The following ATM variants were observed in gnomAD, a reference collection of about 807,000 sequenced individuals.
The protein encoded by ATM is ATM serine/threonine kinase.
Under a neutral mutation model 387.0 loss-of-function variants are expected in ATM, and 308 were observed. The ratio of observed to expected loss-of-function variants is 0.80; its 90% CI spans 0.73 to 0.87. The LOEUF (loss-of-function observed/expected upper bound fraction) is 0.87. Among genes scored for constraint, ATM ranks in the 40% least tolerant of loss-of-function variants. The pLI, the probability that ATM is intolerant of heterozygous loss-of-function variation, is 0.00. For missense variants in ATM, 3,312 were observed against 3,560.9 expected (o/e 0.93, Z 1.78); for synonymous variants, 1,156 against 1,187.3 (o/e 0.97, Z 0.54).
intron 33 of ATM, chr11:108,299,341 A>G: frequency 5.9e-6 from 1 of 170,376 alleles, no homozygotes; most frequent in Non-Finnish European, 1.3e-5. Flanking sequence ...TTTGTCACCC[A>G]GGCTAGAGTG....
chr11:108,297,247 TC>T (rs1416973485), intron 32 of ATM, 39 bp from the exon 33 acceptor site: 1 of 1,512,960 alleles, frequency 6.6e-7, no homozygotes, highest in Non-Finnish European at 9.2e-7. Flanking sequence ...AGTGTTGTCT[TC>T]ATGCTAGTTT....
intron 23 of ATM, among the ~76,000 whole-genome samples, chr11:108,280,071 A>T (rs953935332): frequency 9.2e-5 from 14 of 152,078 alleles, no homozygotes; most frequent in Admixed American, 2.6e-4. Context: ...TAGAGTTCAA[A>T]TTTTTTCATT....
At chr11:108,280,251 A>G (rs1281781683) in intron 23 of ATM, among the ~76,000 whole-genome samples, 1 of 152,174 alleles carries the variant, frequency 6.6e-6, no homozygotes, top group Non-Finnish European at 1.5e-5. Context: ...GAGATAATGT[A>G]TATTATACAT....
rs786203059 is a variant in ATM at position 108,331,559 on chromosome 11, T to C, written c.7629+2T>C. ...GGATTTCATGAAGTCCTCAATAATG[T>C]AAGTAAACCTGAAAATCAAACCACA... On this transcript the variant is annotated splice_donor_variant, in intron 51 of 62. Transcript: ENST00000675843. LOFTEE classifies it high-confidence loss of function. 1.0e-5 allele frequency: 16 copies of C among 1,606,236 alleles called. No homozygotes were observed. The highest frequency in any genetic ancestry group is 1.4e-5 in the Non-Finnish European group (16 of 1,177,018).
intron 33 of ATM, among the ~76,000 whole-genome samples, chr11:108,298,844 T>C (rs1348004942): frequency 6.6e-6 from 1 of 152,162 alleles, no homozygotes; most frequent in African/African-American, 2.4e-5. Flanking sequence ...TTAGCAAAGT[T>C]GCAGGGTACA....
intron 7 of ATM, among the ~76,000 whole-genome samples, chr11:108,246,441 TA>T (rs2079851669): frequency 6.6e-6 from 1 of 152,170 alleles, no homozygotes; most frequent in African/African-American, 2.4e-5. Context: ...TTGTGAGAAA[TA>T]ATAGACCTTT....
At position 108,289,815 on chromosome 11, in the gene ATM, T is replaced by G. The variant is rs762832046; in HGVS notation, c.4436+14T>G. The G allele has an allele frequency of 6.2e-6, 10 of 1,604,370 alleles. No homozygotes were observed. Among genetic ancestry groups the G allele is most frequent in the East Asian group, 2.2e-5 (1 of 44,798 alleles). ...TATCAACCAAAGGTAAATAACATATTTAGACCAATATATAAGCAGTCTTTC... is the reference window on the plus strand; with the variant it reads ...TATCAACCAAAGGTAAATAACATATGTAGACCAATATATAAGCAGTCTTTC... On this transcript the variant is annotated intron_variant, in intron 29 of 62. Coordinates refer to ENST00000675843, the MANE Select transcript of ATM (RefSeq NM_000051.4).
Position 108,299,853 on chromosome 11 carries a change from G to A in ATM, c.5145G>A (p.Leu1715=), listed in dbSNP as rs786202765. 5.6e-6 allele frequency: 9 copies of A among 1,613,806 alleles called. No homozygotes were observed. The highest frequency in any genetic ancestry group is 1.7e-4 in the Middle Eastern group (1 of 6,054). ...DKELQWTFIM[L]TYLNNTLVED... ...AACTTCAGTGGACCTTCATAATGCT[G>A]ACCTACCTGAATAACACACTGGTAG... is the stretch of plus-strand genomic sequence containing the variant. The change falls in exon 34 of 63, where the codon CTG becomes CTA. Residue 1715 remains leucine (L), a synonymous_variant. Coordinates refer to ENST00000675843, the MANE Select transcript of ATM (RefSeq NM_000051.4).
At chr11:108,364,275 C>T (rs112842000) in intron 61 of ATM, among the ~76,000 whole-genome samples, 1 of 152,122 alleles carries the variant, frequency 6.6e-6, no homozygotes, top group African/African-American at 2.4e-5. Context: ...TTTATATTGT[C>T]TCCACTTATT....
intron 43 of ATM, 96 bp downstream of exon 43, chr11:108,317,617 A>ATATATG (rs2084819354): frequency 3.9e-5 from 1 of 25,328 alleles, no homozygotes; most frequent in East Asian, 7.1e-4. Context: ...GAGTTGTTTT[A>ATATATG]TATATATATA....
Position 108,229,201 on chromosome 11 carries a change from A to G in ATM, c.209A>G (p.Lys70Arg), listed in dbSNP as rs1468976846. Reference sequence around the variant, plus strand: ...AGATTTTTACAGAAATATATTCAGAAAGAAACAGAATGTCTGAGAATAGCA... The same window carrying G: ...AGATTTTTACAGAAATATATTCAGAGAGAAACAGAATGTCTGAGAATAGCA... ...VFRFLQKYIQ[K>R]ETECLRIAKP... is the part of the protein sequence containing the mutation. The change falls in exon 4 of 63, where the codon AAA becomes AGA. Residue 70 changes from lysine to arginine, a missense_variant. Transcript: ENST00000675843. The G allele has an allele frequency of 6.2e-7, 1 of 1,612,896 alleles. No individual in the cohort carries two copies. Among genetic ancestry groups the G allele is most frequent in the Non-Finnish European group, 8.5e-7 (1 of 1,179,486 alleles).
At chr11:108,348,076 A>C (rs1687882912) in intron 59 of ATM, among the ~76,000 whole-genome samples, 1 of 152,176 alleles carries the variant, frequency 6.6e-6, no homozygotes, top group South Asian at 2.1e-4. Flanking sequence ...AGATAACTGA[A>C]GCTTCTAACT....
At chr11:108,362,513 G>A (rs1015365158) in intron 61 of ATM, among the ~76,000 whole-genome samples, 8 of 149,028 alleles carry the variant, frequency 5.4e-5, no homozygotes, top group South Asian at 4.3e-4. Flanking sequence ...TGTTTATTGC[G>A]GCATTATTCA....
chr11:108,347,625 A>G (rs1417353122), intron 59 of ATM, among the ~76,000 whole-genome samples: 1 of 152,156 alleles, frequency 6.6e-6, no homozygotes, highest in Non-Finnish European at 1.5e-5. Context: ...CAGACAGAAG[A>G]TAGAGCAGAT....
chr11:108,343,039 A>G (rs2087777920), intron 56 of ATM, among the ~76,000 whole-genome samples, 183 bp from the exon 57 acceptor site: 1 of 152,176 alleles, frequency 6.6e-6, no homozygotes. Context: ...CTGGAAAATT[A>G]TATTCTTTGA....
rs747696133 is a variant in ATM at position 108,268,457 on chromosome 11, C to G, written c.2686C>G (p.Leu896Val). 1.2e-6 allele frequency: 2 copies of G among 1,613,982 alleles called. No homozygotes were observed. The highest frequency in any genetic ancestry group is 8.5e-7 in the Non-Finnish European group (1 of 1,179,976). Residue 896 changes from leucine (L) to valine (V), a missense_variant, in exon 18 of 63, where the codon CTT becomes GTT. This residue lies in a region of ATM where 1,791 missense variants were observed against 1,804.5 expected (regional missense o/e 0.99). Transcript: ENST00000675843. Reference protein sequence around the residue: ...AEEYLSKQDLLFLDMLKFLCL... With the variant: ...AEEYLSKQDLVFLDMLKFLCL... The stretch of plus-strand genomic sequence containing the variant: ...AGAATATCTGTCAAAGCAAGATCTA[C>G]TTTTCTTAGACATGCTCAAGTTCTT...
intron 29 of ATM, among the ~76,000 whole-genome samples, chr11:108,292,011 T>A (rs1245403190): frequency 6.6e-6 from 1 of 152,224 alleles, no homozygotes; most frequent in Non-Finnish European, 1.5e-5. Context: ...TTTTGCCCTA[T>A]GCACCTGCAG....
rs1565534524 is a variant in ATM, at chr11:108,332,038, G to C, written c.7788+1G>C. 6.2e-7 allele frequency: 1 copy of C among 1,613,520 alleles called. No individual in the cohort carries two copies. The highest frequency in any genetic ancestry group is 8.5e-7 in the Non-Finnish European group (1 of 1,179,686). On this transcript the variant is annotated splice_donor_variant, in intron 52 of 62. Coordinates refer to ENST00000675843, the MANE Select transcript of ATM (RefSeq NM_000051.4). LOFTEE classifies it high-confidence loss of function. Reference sequence around the variant, plus strand: ...TAAACAAAGCTCTCAGCTTGATGAGGTATTTGGATTAAACATACGTACCTT... The same window carrying C: ...TAAACAAAGCTCTCAGCTTGATGAGCTATTTGGATTAAACATACGTACCTT...
At chr11:108,320,205 TCTCTGCCCTCCTTCAAA>T in intron 44 of ATM, 147 bp downstream of exon 44, 1 of 665,964 alleles carries the variant, frequency 1.5e-6, no homozygotes, top group Non-Finnish European at 2.6e-6. Context: ...TCCTTGTAAT[TCTCTGCCCTCCTTCAAA>T]ACAAATTGTT....
Sources: allele counts gnomAD v4.1 joint callset (sites outside exome capture counted in the v4.1 genomes callset), GRCh38; gene constraint gnomAD v4.1.1; regional missense constraint gnomAD v4.1.1; transcripts MANE v1.5; gene names NCBI Gene and HGNC (gene_info 2026-07-23, HGNC 2026-07-21).